CEP83: variants seen among roughly 807,000 people sequenced by gnomAD.
The protein encoded by CEP83 is centrosomal protein of 83 kDa.
In CEP83, 70 loss-of-function variants were observed where a neutral mutation model predicts 101.9. The ratio of observed to expected loss-of-function variants is 0.69; its 90% CI spans 0.57 to 0.84. The LOEUF (loss-of-function observed/expected upper bound fraction) is 0.84. Ranked by LOEUF, CEP83 falls within the 40% of genes least tolerant of loss-of-function variation. CEP83 has a pLI of 0.00. For missense variants in CEP83, 715 were observed against 787.2 expected (o/e 0.91, Z 1.10); for synonymous variants, 264 against 267.9 (o/e 0.99, Z 0.14).
chr12:94,356,089 TG>T (rs2060459519), intron 11 of CEP83, among the ~76,000 whole-genome samples: 1 of 152,116 alleles, frequency 6.6e-6, no homozygotes, highest in South Asian at 2.1e-4. Flanking sequence ...CGCCCATTCA[TG>T]GGGGCTCGAA....
chr12:94,306,315 C>T (rs1969011092), downstream of CEP83: 1 of 151,932 alleles, frequency 6.6e-6, no homozygotes, highest in Non-Finnish European at 1.5e-5. Context: ...GGCCCAAGGC[C>T]TGAAAAATAT....
chr12:94,436,233 A>C (rs1459479273), intron 1 of CEP83, among the ~76,000 whole-genome samples: 1 of 152,196 alleles, frequency 6.6e-6, no homozygotes, highest in African/African-American at 2.4e-5. Context: ...AACAAGAACA[A>C]ATCTCTGAAT....
At chr12:94,280,797 C>T in the CEP83 span, among the ~76,000 whole-genome samples, 11 of 152,326 alleles carry the variant, frequency 7.2e-5, no homozygotes, top group Admixed American at 1.3e-4. Context: ...TTGGTCCTGC[C>T]GCTGATGAGT....
At chr12:94,279,973 G>A in the CEP83 span, 1 of 442,456 alleles carries the variant, frequency 2.3e-6, no homozygotes, top group Non-Finnish European at 4.3e-6. Flanking sequence ...ATACAGAAAG[G>A]TGTCAACACA....
the CEP83 span, chr12:94,294,575 AC>A: frequency 1.1e-6 from 1 of 929,408 alleles, no homozygotes; most frequent in Non-Finnish European, 1.7e-6. Context: ...TTTTGTTCTC[AC>A]CCAGCTTCAT....
chr12:94,270,881 G>A, the CEP83 span, among the ~76,000 whole-genome samples: 1 of 152,008 alleles, frequency 6.6e-6, no homozygotes, highest in Non-Finnish European at 1.5e-5. Context: ...TCTTTGTGGG[G>A]AAAGGAAAAG....
chr12:94,449,885 T>C (rs573981475), intron 1 of CEP83, among the ~76,000 whole-genome samples: 11 of 149,124 alleles, frequency 7.4e-5, no homozygotes, highest in South Asian at 2.1e-4. Flanking sequence ...AATTAATATA[T>C]AGCATACTAA....
intron 1 of CEP83, among the ~76,000 whole-genome samples, chr12:94,446,760 A>C (rs1294735755): frequency 6.6e-6 from 1 of 152,212 alleles, no homozygotes; most frequent in Admixed American, 6.5e-5. Flanking sequence ...TGTACACGAA[A>C]TATGCAGTGG....
In CEP83 at chr12:94,335,510, A is replaced by T. The variant is rs56215078; in HGVS notation, c.1419+79T>A. Reference sequence around the variant, plus strand: ...TAGATTCTAAAAATACTGATGGCAAAATTTTTTTAAAATTTGCAAAACATA... The same window carrying T: ...TAGATTCTAAAAATACTGATGGCAATATTTTTTTAAAATTTGCAAAACATA... On this transcript the variant is annotated intron_variant, in intron 12 of 16. Coordinates refer to ENST00000397809, the MANE Select transcript of CEP83 (RefSeq NM_016122.3). The T allele has an allele frequency of 0.056, 50,836 of 912,326 alleles. 1,763 individuals are homozygous for T. The highest frequency in any genetic ancestry group is 0.07 in the Non-Finnish European group (41,069 of 587,022). 56.5% of individuals were successfully genotyped at this position (912,326 alleles called of 1,614,324 possible). A position where few individuals can be genotyped will look rare whatever the true frequency, so the allele number is the denominator to read the frequency against.
chr12:94,299,569 T>C, the CEP83 span, among the ~76,000 whole-genome samples: 20 of 85,284 alleles, frequency 2.3e-4, no homozygotes, highest in East Asian at 5.0e-3. Flanking sequence ...TCTAGCCTCT[T>C]TTTTTTTGAG....
At chr12:94,411,195 A>C (rs1023482233) in intron 4 of CEP83, among the ~76,000 whole-genome samples, 2 of 152,166 alleles carry the variant, frequency 1.3e-5, no homozygotes, top group African/African-American at 4.8e-5. Context: ...AAATGATCTA[A>C]AGAAACTGTA....
chr12:94,422,614 T>TCC (rs2064845120), intron 2 of CEP83, among the ~76,000 whole-genome samples: 1 of 152,114 alleles, frequency 6.6e-6, no homozygotes, highest in Admixed American at 6.5e-5. Flanking sequence ...TCATACTCCT[T>TCC]CCCCATCACC....
At chr12:94,326,637 T>C (rs2058984815) in intron 14 of CEP83, among the ~76,000 whole-genome samples, 1 of 152,184 alleles carries the variant, frequency 6.6e-6, no homozygotes, top group East Asian at 1.9e-4. Flanking sequence ...GAAGTTAGAT[T>C]GGATTCGAGT....
intron 2 of CEP83, chr12:94,424,914 T>G: frequency 6.2e-7 from 1 of 1,600,202 alleles, no homozygotes; most frequent in East Asian, 2.2e-5. Flanking sequence ...TTCTTGTTGT[T>G]TCTATTGTAG....
chr12:94,411,715 T>A lies in CEP83; in HGVS notation c.306A>T (p.Leu102Phe). The change falls in exon 4 of 17, where the codon TTA becomes TTT. Residue 102 changes from leucine to phenylalanine, a missense_variant. By Grantham distance (22) the Leu-to-Phe change is conservative. Coordinates refer to ENST00000397809, the MANE Select transcript of CEP83 (RefSeq NM_016122.3). ...RGELVEKTKD[L>F]EEMKLQILTP... ...TTCTCACCTGCAGTTTCATTTCTTC[T>A]AAATCTTTAGTTTTCTCTACTAATT... is the stretch of plus-strand genomic sequence containing the variant. 6.2e-7 allele frequency: 1 copy of A among 1,602,746 alleles called. No individual in the cohort carries two copies. The highest frequency in any genetic ancestry group is 1.1e-5 in the South Asian group (1 of 88,532).
the CEP83 span, chr12:94,279,541 A>C: frequency 6.2e-7 from 1 of 1,614,100 alleles, no homozygotes; most frequent in Non-Finnish European, 8.5e-7. Context: ...TATTTCAGTC[A>C]ATGTTCTCGA....
chr12:94,332,986 A>G (rs1332938194), intron 13 of CEP83, among the ~76,000 whole-genome samples: 2 of 150,726 alleles, frequency 1.3e-5, no homozygotes, highest in Non-Finnish European at 3.0e-5. Context: ...ACATCACCAC[A>G]ATCATTTTAT....
chr12:94,390,426 G>A (rs577329813), intron 6 of CEP83, among the ~76,000 whole-genome samples: 4 of 152,090 alleles, frequency 2.6e-5, no homozygotes, highest in Non-Finnish European at 5.9e-5. Flanking sequence ...AGAAATAGCA[G>A]CAGGATCAAC....
At chr12:94,282,113 G>A in the CEP83 span, 1 of 527,226 alleles carries the variant, frequency 1.9e-6, no homozygotes, top group South Asian at 2.1e-5. Context: ...AAACATCAGA[G>A]CCCTAAACAA....
Sources: gnomAD v4.1 joint callset for allele counts (sites outside exome capture counted in the v4.1 genomes callset) on GRCh38, gnomAD v4.1.1 for gene constraint, MANE v1.5 for transcripts, NCBI Gene and HGNC (gene_info 2026-07-23, HGNC 2026-07-21) for gene names.